KIFC3: variants seen among roughly 807,000 people sequenced by gnomAD.
KIFC3 encodes the protein kinesin-like protein KIFC3.
Under a neutral mutation model 101.8 loss-of-function variants are expected in KIFC3, and 60 were observed. The observed-to-expected ratio is 0.59, with a 90% CI of 0.48 to 0.73. KIFC3 has a LOEUF of 0.73. KIFC3 is among the 30% of genes least tolerant of loss of function. KIFC3 has a pLI of 0.00. For synonymous variants in KIFC3, 476 were observed against 482.7 expected (o/e 0.99, Z 0.18); for missense variants, 966 against 1,137.1 (o/e 0.85, Z 2.16).
chr16:57,808,428 A>G (rs2054993123), intron 1 of KIFC3, among the ~76,000 whole-genome samples: 1 of 151,840 alleles, frequency 6.6e-6, no homozygotes, highest in Admixed American at 6.6e-5. Context: ...CTAAATTGTT[A>G]TAGCTCCGGG....
intron 1 of KIFC3, 37 bp from the exon 2 acceptor site, chr16:57,798,319 G>A (rs1555624216): frequency 4.0e-6 from 6 of 1,518,766 alleles, no homozygotes; most frequent in East Asian, 2.5e-5. Flanking sequence ...CTTGAAGACC[G>A]TGGACCAGCA....
chr16:57,794,927 G>A, intron 3 of KIFC3, 72 bp downstream of exon 3: 1 of 1,388,032 alleles, frequency 7.2e-7, no homozygotes, highest in Non-Finnish European at 9.5e-7. Flanking sequence ...ACCCCCAGAA[G>A]CCTGGCAGGA....
chr16:57,848,135 A>T (rs1175645511), intron 1 of KIFC3, among the ~76,000 whole-genome samples: 1 of 152,224 alleles, frequency 6.6e-6, no homozygotes, highest in Non-Finnish European at 1.5e-5. Context: ...ACTTTTAAAT[A>T]CTTTGTAAAG....
At chr16:57,819,902 C>T (rs1424819685) in intron 1 of KIFC3, among the ~76,000 whole-genome samples, 7 of 151,232 alleles carry the variant, frequency 4.6e-5, no homozygotes, top group Admixed American at 1.3e-4. Context: ...GAGTTTCATT[C>T]TTGTTGCCCA....
At chr16:57,797,803 C>T (rs2054459185) in intron 2 of KIFC3, 4 of 1,369,346 alleles carry the variant, frequency 2.9e-6, no homozygotes, top group Non-Finnish European at 2.8e-6. Context: ...AGAGGGAATG[C>T]AGCTGATTCC....
At chr16:57,763,295 G>C (rs1424113726) in intron 12 of KIFC3, among the ~76,000 whole-genome samples, 1 of 152,148 alleles carries the variant, frequency 6.6e-6, no homozygotes, top group Non-Finnish European at 1.5e-5. Flanking sequence ...CAATCCCAAA[G>C]CAGAGCGGGG....
chr16:57,776,887 C>T (rs1555612089), intron 3 of KIFC3: 2 of 152,146 alleles, frequency 1.3e-5, no homozygotes, highest in Admixed American at 1.3e-4. Flanking sequence ...CCACATCTTC[C>T]AATATTTTAT....
At chr16:57,857,785 C>CTT (rs1174564433) in intron 1 of KIFC3, among the ~76,000 whole-genome samples, 1 of 117,178 alleles carries the variant, frequency 8.5e-6, no homozygotes, top group Non-Finnish European at 1.8e-5. Flanking sequence ...TTTTCTTTTT[C>CTT]TTTTTTTTTT....
upstream of KIFC3, among the ~76,000 whole-genome samples, chr16:57,805,300 G>C (rs532398788): frequency 6.6e-6 from 1 of 152,146 alleles, no homozygotes; most frequent in Non-Finnish European, 1.5e-5. Context: ...TGGAATTTAA[G>C]AATGTACAAT....
At chr16:57,764,275 T>TGGGGGGGGGGTGGGTGGGGGGG in intron 11 of KIFC3, 28 bp from the exon 12 acceptor site, 1 of 539,930 alleles carries the variant, frequency 1.9e-6, no homozygotes, top group Non-Finnish European at 3.5e-6. Flanking sequence ...GGGAGGCTGG[T>TGGGGGGGGGGTGGGTGGGGGGG]GGGGGGGCTT....
rs535532851 is a variant in KIFC3, at chr16:57,797,997, A to T, written c.172+75T>A. On this transcript the variant is annotated intron_variant, in intron 2 of 19. Coordinates refer to ENST00000445690, the MANE Select transcript of KIFC3 (RefSeq NM_001130100.2). ...CTCTGACTGGGCTTAGGAACCGGTG[A>T]GAAACCTCAGTCTCATCTCTGGTAT... 107 of 1,549,218 alleles carry T rather than the reference A, an allele frequency of 6.9e-5. 1 individual carries two copies. The Middle Eastern group carries it at 3.9e-3, about 57-fold the overall frequency.
intron 1 of KIFC3, among the ~76,000 whole-genome samples, chr16:57,853,926 C>A (rs550584503): frequency 6.6e-6 from 1 of 151,990 alleles, no homozygotes; most frequent in South Asian, 2.1e-4. Context: ...AGCCACTGCA[C>A]CTGGCCTTAA....
At chr16:57,843,088 A>G (rs1248194764) in intron 1 of KIFC3, among the ~76,000 whole-genome samples, 7 of 151,838 alleles carry the variant, frequency 4.6e-5, no homozygotes, top group African/African-American at 1.7e-4. Context: ...AGCCGAGATC[A>G]CACCATTGCA....
intron 1 of KIFC3, among the ~76,000 whole-genome samples, chr16:57,818,664 T>C (rs1359670109): frequency 6.6e-6 from 1 of 152,050 alleles, no homozygotes; most frequent in Non-Finnish European, 1.5e-5. Flanking sequence ...CCTGGCTGAG[T>C]GGCAGGTCTT....
chr16:57,795,986 C>T (rs782311263), intron 2 of KIFC3, among the ~76,000 whole-genome samples: 12 of 150,396 alleles, frequency 8.0e-5, no homozygotes, highest in African/African-American at 1.2e-4. Context: ...CTCCACCTCC[C>T]GGGTTCAAGC....
At chr16:57,811,175 A>G (rs2055063373) in intron 1 of KIFC3, among the ~76,000 whole-genome samples, 1 of 152,192 alleles carries the variant, frequency 6.6e-6, no homozygotes, top group Non-Finnish European at 1.5e-5. Flanking sequence ...ACTCCACTGA[A>G]AGAAAGTAGT....
chr16:57,853,276 G>A (rs1360704044), intron 1 of KIFC3, among the ~76,000 whole-genome samples: 1 of 151,928 alleles, frequency 6.6e-6, no homozygotes, highest in Admixed American at 6.6e-5. Flanking sequence ...AATATTAGCT[G>A]GGCATGGTGG....
rs1344150540 is a variant in KIFC3, at chr16:57,860,088, AAAAT to A, written c.108+2637_108+2640del. Among the ~76,000 whole-genome samples the A allele has an allele frequency of 3.6e-4, 51 of 141,710 alleles. 2 individuals carry two copies. The highest frequency in any genetic ancestry group is 5.1e-4 in the Non-Finnish European group (33 of 65,238). 93.0% of individuals were successfully genotyped at this position (141,710 alleles called of 152,430 possible). ...AAAATAAAATAAAATAAAATAAAATAAAATAAAAACAAGTGGGGCAGGTGAAGCT... is the reference window on the plus strand; with the variant it reads ...AAAATAAAATAAAATAAAATAAAATAAAAAACAAGTGGGGCAGGTGAAGCT... On this transcript the variant is annotated intron_variant, in intron 1 of 2. Transcript: ENST00000563028.
At chr16:57,790,096 T>TA (rs10693581) in intron 3 of KIFC3, among the ~76,000 whole-genome samples, 1 of 147,668 alleles carries the variant, frequency 6.8e-6, no homozygotes, top group South Asian at 2.1e-4. Context: ...TTTTTTTTTT[T>TA]AAAGACAGAG....
Sources: allele counts gnomAD v4.1 joint callset (sites outside exome capture counted in the v4.1 genomes callset), GRCh38; gene constraint gnomAD v4.1.1; transcripts MANE v1.5; gene names NCBI Gene and HGNC (gene_info 2026-07-23, HGNC 2026-07-21).